Variants in ZSWIM5 observed in about 807,000 individuals in gnomAD.
ZSWIM5 encodes zinc finger SWIM-type containing 5, also known as zinc finger SWIM domain-containing protein 5.
In ZSWIM5, 55 loss-of-function variants were observed where a neutral mutation model predicts 119.6. The ratio of observed to expected loss-of-function variants is 0.46; its 90% CI spans 0.37 to 0.58. The LOEUF (loss-of-function observed/expected upper bound fraction) is 0.58, where lower values mean the gene tolerates loss of function less well. ZSWIM5 is among the 20% of genes least tolerant of loss of function. The probability of loss-of-function intolerance (pLI) is 0.00; values close to 1 mark genes in which losing one functional copy is unlikely to be tolerated. For synonymous variants in ZSWIM5, 537 were observed against 606.9 expected, an observed-to-expected ratio of 0.88 and a Z score of 1.69; for missense variants, 1,193 against 1,512.8, an observed-to-expected ratio of 0.79 and a Z score of 3.51.
intron 1 of ZSWIM5, among the ~76,000 whole-genome samples, chr1:45,190,036 G>A (rs1646081954): frequency 6.6e-6 from 1 of 151,934 alleles, no homozygotes; most frequent in Non-Finnish European, 1.5e-5. Context: ...AACAGTTGCT[G>A]GGTACAGTGG....
Position 45,100,845 on chromosome 1 carries a change from A to G in ZSWIM5, c.596-12608T>C, listed in dbSNP as rs935198251. 3.3e-5 allele frequency among the ~76,000 whole-genome samples: 5 copies of G among 152,202 alleles called. No individual in the cohort carries two copies. In the East Asian group the frequency reaches 5.8e-4, roughly 18 times the overall value. On this transcript the variant is annotated intron_variant, in intron 1 of 13. Coordinates refer to ENST00000359600, the MANE Select transcript of ZSWIM5 (RefSeq NM_020883.2). ...ATGGTGCTGGGAAAACTGGCTAGCC[A>G]TATGTAGAAAGCTGAAACTGGATCC... is the stretch of plus-strand genomic sequence containing the variant.
chr1:45,157,231 C>T (rs544270013), intron 1 of ZSWIM5, among the ~76,000 whole-genome samples: 1 of 152,124 alleles, frequency 6.6e-6, no homozygotes, highest in Non-Finnish European at 1.5e-5. Flanking sequence ...CCCAGGCAGT[C>T]GCACACAATC....
At chr1:45,193,229 T>C (rs1039644262) in intron 1 of ZSWIM5, among the ~76,000 whole-genome samples, 1 of 152,180 alleles carries the variant, frequency 6.6e-6, no homozygotes, top group Admixed American at 6.5e-5. Context: ...ACAGCTCAGA[T>C]TTTATCTGCT....
chr1:45,154,217 C>A (rs903228243), intron 1 of ZSWIM5, among the ~76,000 whole-genome samples: 1 of 151,938 alleles, frequency 6.6e-6, no homozygotes, highest in Admixed American at 6.6e-5. Flanking sequence ...CAAAATACCA[C>A]CATCATTCTT....
At chr1:45,198,189 C>A (rs1027010525) in intron 1 of ZSWIM5, among the ~76,000 whole-genome samples, 1 of 152,190 alleles carries the variant, frequency 6.6e-6, no homozygotes, top group African/African-American at 2.4e-5. Context: ...TGACAGGTGC[C>A]AAAACCACAG....
chr1:45,029,201 A>G (rs1644937984), intron 11 of ZSWIM5, among the ~76,000 whole-genome samples: 1 of 152,262 alleles, frequency 6.6e-6, no homozygotes, highest in African/African-American at 2.4e-5. Flanking sequence ...TGTCTTTTAT[A>G]GCAAAAAGAT....
intron 2 of ZSWIM5, among the ~76,000 whole-genome samples, chr1:45,063,584 A>G (rs1645165375): frequency 6.6e-6 from 1 of 152,130 alleles, no homozygotes; most frequent in Admixed American, 6.5e-5. Context: ...AGTCAACCAC[A>G]TTGGCTTATG....
At chr1:45,117,545 T>C (rs192953166) in intron 1 of ZSWIM5, among the ~76,000 whole-genome samples, 3 of 152,232 alleles carry the variant, frequency 2.0e-5, no homozygotes, top group African/African-American at 7.2e-5. Flanking sequence ...TGATAGTACA[T>C]ACTTGTAGTC....
chr1:45,164,927 G>A (rs953847989), intron 1 of ZSWIM5, among the ~76,000 whole-genome samples: 1 of 152,016 alleles, frequency 6.6e-6, no homozygotes, highest in Non-Finnish European at 1.5e-5. Context: ...AGTTAACAAG[G>A]TTACCCAGGA....
intron 1 of ZSWIM5, among the ~76,000 whole-genome samples, chr1:45,142,220 A>C (rs1292414196): frequency 6.6e-6 from 1 of 152,224 alleles, no homozygotes; most frequent in Non-Finnish European, 1.5e-5. Flanking sequence ...CAAAAAAATT[A>C]ATAAATAAAA....
Position 45,038,851 on chromosome 1 carries a change from C to A in ZSWIM5, c.1894+85G>T. The A allele has an allele frequency of 3.2e-6, 5 of 1,549,614 alleles. No individual in the cohort carries two copies. In the South Asian group the frequency reaches 5.9e-5, roughly 18 times the overall value. ...ACTCAAGTAATCCACCCACCTTGGCCTCCCAAAATGCTAGGATTACAGGTG... is the reference window on the plus strand; with the variant it reads ...ACTCAAGTAATCCACCCACCTTGGCATCCCAAAATGCTAGGATTACAGGTG... On this transcript the variant is annotated intron_variant, in intron 8 of 13. Coordinates refer to ENST00000359600, the MANE Select transcript of ZSWIM5 (RefSeq NM_020883.2).
intron 11 of ZSWIM5, among the ~76,000 whole-genome samples, chr1:45,028,074 C>T (rs190417266): frequency 1.3e-5 from 2 of 152,324 alleles, no homozygotes; most frequent in Admixed American, 6.5e-5. Flanking sequence ...TGGTCTCGAA[C>T]TCCTGACCTC....
chr1:45,129,685 CTT>C (rs1645643334), intron 1 of ZSWIM5, among the ~76,000 whole-genome samples: 1 of 152,058 alleles, frequency 6.6e-6, no homozygotes, highest in Non-Finnish European at 1.5e-5. Context: ...AAAATAAAGT[CTT>C]TTGAACAAAT....
At chr1:45,043,531 G>C in intron 5 of ZSWIM5, 136 bp from the exon 6 acceptor site, 2 of 840,464 alleles carry the variant, frequency 2.4e-6, no homozygotes, top group Non-Finnish European at 3.7e-6. Context: ...TTGAGAACAG[G>C]TTATAAGGAA....
At chr1:45,064,444 C>G (rs933349271) in intron 2 of ZSWIM5, among the ~76,000 whole-genome samples, 1 of 152,182 alleles carries the variant, frequency 6.6e-6, no homozygotes, top group African/African-American at 2.4e-5. Context: ...AAATACATAT[C>G]TCACTAAGCA....
intron 1 of ZSWIM5, among the ~76,000 whole-genome samples, chr1:45,107,310 A>T (rs949126930): frequency 3.9e-5 from 6 of 152,294 alleles, no homozygotes; most frequent in Admixed American, 1.3e-4. Flanking sequence ...AAAATTCATT[A>T]AAAAATCTAA....
At chr1:45,040,112 A>G (rs1042476406) in intron 7 of ZSWIM5, among the ~76,000 whole-genome samples, 3 of 152,242 alleles carry the variant, frequency 2.0e-5, no homozygotes, top group Non-Finnish European at 4.4e-5. Flanking sequence ...TGCTGGGATT[A>G]TAGGTGTGAA....
At chr1:45,070,210 A>G in intron 2 of ZSWIM5, 1 of 1,438,142 alleles carries the variant, frequency 7.0e-7, no homozygotes, top group Non-Finnish European at 9.8e-7. Flanking sequence ...TAGGCCAAGA[A>G]AGCTACTGGC....
chr1:45,196,407 T>G (rs1646126024), intron 1 of ZSWIM5, among the ~76,000 whole-genome samples: 1 of 134,884 alleles, frequency 7.4e-6, no homozygotes, highest in African/African-American at 2.8e-5. Context: ...TTTTTTTTTT[T>G]GAGGCGGAAG....
Sources: gnomAD v4.1 joint callset for allele counts (sites outside exome capture counted in the v4.1 genomes callset) on GRCh38, gnomAD v4.1.1 for gene constraint, MANE v1.5 for transcripts, NCBI Gene and HGNC (gene_info 2026-07-23, HGNC 2026-07-21) for gene names.